REPS1: variants seen among roughly 807,000 people sequenced by gnomAD.
REPS1 encodes the protein ralBP1-associated Eps domain-containing protein 1.
Under a neutral mutation model 100.9 loss-of-function variants are expected in REPS1, and 39 were observed. That is an observed-to-expected ratio of 0.39 (90% CI 0.30 to 0.50). The LOEUF is 0.50. Among genes scored for constraint, REPS1 ranks in the 20% least tolerant of loss-of-function variants. The pLI, the probability that REPS1 is intolerant of heterozygous loss-of-function variation, is 0.86. For synonymous variants in REPS1, 324 were observed against 340.3 expected (o/e 0.95, Z 0.53); for missense variants, 821 against 968.5 (o/e 0.85, Z 2.02).
intron 8 of REPS1, among the ~76,000 whole-genome samples, chr6:138,938,782 A>G (rs1217385818): frequency 6.6e-6 from 1 of 152,166 alleles, no homozygotes; most frequent in Non-Finnish European, 1.5e-5. Context: ...TTCTAATGTC[A>G]GCCGAAAGAA....
Position 138,932,171 on chromosome 6 carries a change from G to A in REPS1, c.1136-2073C>T, listed in dbSNP as rs1781521819. On this transcript the variant is annotated intron_variant, in intron 8 of 19. Transcript: ENST00000450536. ...TTCTGGGAATATTTCTGGTTCACTGGTACAAAGCTGAAGTGGGTCTAGCTG... is the reference window on the plus strand; with the variant it reads ...TTCTGGGAATATTTCTGGTTCACTGATACAAAGCTGAAGTGGGTCTAGCTG... Among the ~76,000 whole-genome samples, 3 of 152,206 alleles carry A rather than the reference G, an allele frequency of 2.0e-5. No individual in the cohort carries two copies. The South Asian group carries it at 6.2e-4, about 32-fold the overall frequency.
intron 13 of REPS1, among the ~76,000 whole-genome samples, chr6:138,916,675 T>C (rs921864363): frequency 2.6e-5 from 4 of 152,196 alleles, no homozygotes; most frequent in Admixed American, 6.5e-5. Context: ...ACCTATTAAG[T>C]TCTGGATTTT....
intron 1 of REPS1, among the ~76,000 whole-genome samples, chr6:138,966,200 G>A (rs1784012442): frequency 6.6e-6 from 1 of 152,146 alleles, no homozygotes; most frequent in African/African-American, 2.4e-5. Context: ...ATACAGTGGA[G>A]CTCTCAAGTA....
Position 138,921,128 on chromosome 6 carries a change from G to C in REPS1, c.1339-4C>G. The C allele has an allele frequency of 3.2e-6, 5 of 1,559,296 alleles. No homozygotes were observed. Among genetic ancestry groups the C allele is most frequent in the African/African-American group, 1.4e-5 (1 of 73,370 alleles). ...CTGGATGAACAATAGCAGTATCCTA[G>C]AGACAAATGGGAGGAAATAAAGAAT... On this transcript the variant is annotated splice_polypyrimidine_tract_variant and splice_region_variant and intron_variant, in intron 10 of 19. Coordinates refer to ENST00000450536, the MANE Select transcript of REPS1 (RefSeq NM_001286611.2).
At chr6:138,947,939 T>C (rs1323843149) in intron 1 of REPS1, 26 bp from the exon 2 acceptor site, 1 of 1,546,604 alleles carries the variant, frequency 6.5e-7, no homozygotes, top group Non-Finnish European at 8.7e-7. Context: ...ATGTTAACAT[T>C]AAGATTCACA....
At chr6:138,980,881 AGTCAGAGAAGAT>A (rs1784912250) in intron 1 of REPS1, among the ~76,000 whole-genome samples, 1 of 152,160 alleles carries the variant, frequency 6.6e-6, no homozygotes, top group Admixed American at 6.5e-5. Context: ...CATTGGCACA[AGTCAGAGAAGAT>A]GTCTTGATCC....
chr6:138,981,187 G>A (rs1459047380), intron 1 of REPS1, among the ~76,000 whole-genome samples: 2 of 152,166 alleles, frequency 1.3e-5, no homozygotes, highest in Admixed American at 6.5e-5. Flanking sequence ...AAAAGAGACA[G>A]ACTAATAAAT....
At chr6:138,973,814 C>T (rs1784462166) in intron 1 of REPS1, among the ~76,000 whole-genome samples, 1 of 152,048 alleles carries the variant, frequency 6.6e-6, no homozygotes, top group Non-Finnish European at 1.5e-5. Context: ...GTAGGCACTA[C>T]ATCAGCATTA....
At chr6:138,961,886 G>T (rs1195737678) in intron 1 of REPS1, among the ~76,000 whole-genome samples, 1 of 152,156 alleles carries the variant, frequency 6.6e-6, no homozygotes, top group Non-Finnish European at 1.5e-5. Flanking sequence ...AGCAAAACTG[G>T]CAAGGTGAGG....
At chr6:138,934,072 A>T (rs1279908547) in intron 8 of REPS1, among the ~76,000 whole-genome samples, 1 of 152,262 alleles carries the variant, frequency 6.6e-6, no homozygotes, top group Non-Finnish European at 1.5e-5. Context: ...AGAAACCAAG[A>T]GTCTATGGAC....
chr6:138,911,509 A>C (rs1024697546), intron 16 of REPS1, 138 bp from the exon 17 acceptor site: 8 of 649,884 alleles, frequency 1.2e-5, no homozygotes, highest in African/African-American at 1.8e-5. Flanking sequence ...ACTTGAAGGA[A>C]CTTTATTAAA....
chr6:138,909,726 C>T (rs1779887418), intron 17 of REPS1, among the ~76,000 whole-genome samples: 1 of 152,136 alleles, frequency 6.6e-6, no homozygotes, highest in African/African-American at 2.4e-5. Context: ...CCACCTGCTT[C>T]CCCTTTGCCT....
chr6:138,949,128 T>A (rs899051490), intron 1 of REPS1, among the ~76,000 whole-genome samples: 3 of 152,214 alleles, frequency 2.0e-5, no homozygotes, highest in Non-Finnish European at 2.9e-5. Context: ...AGAGGTTCAT[T>A]ACATATCTTA....
At chr6:138,931,826 C>T (rs1734078414) in intron 8 of REPS1, among the ~76,000 whole-genome samples, 1 of 151,976 alleles carries the variant, frequency 6.6e-6, no homozygotes, top group South Asian at 2.1e-4. Context: ...GAAACAGTAG[C>T]TATAAATTTG....
intron 16 of REPS1, 121 bp from the exon 17 acceptor site, chr6:138,911,492 A>G (rs111414051): frequency 9.7e-6 from 7 of 721,144 alleles, no homozygotes; most frequent in African/African-American, 7.2e-5. Context: ...TGAGATGATG[A>G]TAAGAAACTT....
At chr6:138,906,384 G>C (rs927770742) in intron 19 of REPS1, among the ~76,000 whole-genome samples, 2 of 152,196 alleles carry the variant, frequency 1.3e-5, no homozygotes, top group African/African-American at 4.8e-5. Context: ...GGACAAGACG[G>C]TCATAAGTTT....
At chr6:138,955,996 T>G (rs1023194031) in intron 1 of REPS1, among the ~76,000 whole-genome samples, 15 of 152,170 alleles carry the variant, frequency 9.9e-5, no homozygotes, top group Non-Finnish European at 1.8e-4. Flanking sequence ...GTTAGAGACT[T>G]CAGAGACTAA....
chr6:138,955,542 A>C (rs1316906081), intron 1 of REPS1, among the ~76,000 whole-genome samples: 1 of 150,620 alleles, frequency 6.6e-6, no homozygotes, highest in Non-Finnish European at 1.5e-5. Flanking sequence ...CTAACTGACC[A>C]GCACAAAATC....
At chr6:138,941,950 C>G (rs1272999190) in intron 7 of REPS1, among the ~76,000 whole-genome samples, 1 of 152,170 alleles carries the variant, frequency 6.6e-6, no homozygotes, top group African/African-American at 2.4e-5. Flanking sequence ...ACGATCTCGG[C>G]CCACTGCAAC....
Sources: allele counts gnomAD v4.1 joint callset (sites outside exome capture counted in the v4.1 genomes callset), GRCh38; gene constraint gnomAD v4.1.1; transcripts MANE v1.5; gene names NCBI Gene and HGNC (gene_info 2026-07-23, HGNC 2026-07-21).